The following KCTD3 variants were observed in gnomAD, a reference collection of about 807,000 sequenced individuals.
The protein encoded by KCTD3 is potassium channel tetramerization domain containing 3.
KCTD3 carries 41 observed loss-of-function variants against 85.8 expected under a neutral mutation model. The observed-to-expected ratio is 0.48, with a 90% confidence interval of 0.37 to 0.62. The LOEUF is 0.62. KCTD3 is among the 20% of genes least tolerant of loss of function. The pLI is 0.00. For synonymous variants in KCTD3, 338 were observed against 345.4 expected (o/e 0.98, Z 0.24); for missense variants, 724 against 989.9 (o/e 0.73, Z 3.60).
intron 9 of KCTD3, among the ~76,000 whole-genome samples, chr1:215,589,026 A>G (rs1660121504): frequency 1.3e-5 from 2 of 152,202 alleles, no homozygotes; most frequent in Non-Finnish European, 2.9e-5. Flanking sequence ...TACCTTTGAG[A>G]TACTTCATTA....
rs73085461 is a variant in KCTD3, at chr1:215,612,391, A to T, written c.1562+470A>T. Among the ~76,000 whole-genome samples the T allele has an allele frequency of 3.5e-3, 539 of 152,104 alleles. 4 individuals carry two copies. Among genetic ancestry groups the T allele is most frequent in the African/African-American group, 0.013 (525 of 41,568 alleles). Reference sequence around the variant, plus strand: ...TTTGCATAATCTTGGCACAGCTTACAACATAGCACACATTTTTTTTTTCTA... The same window carrying T: ...TTTGCATAATCTTGGCACAGCTTACTACATAGCACACATTTTTTTTTTCTA... On this transcript the variant is annotated intron_variant, in intron 15 of 17. Coordinates refer to ENST00000259154, the MANE Select transcript of KCTD3 (RefSeq NM_016121.5).
chr1:215,578,763 T>C (rs1361834025), intron 6 of KCTD3, among the ~76,000 whole-genome samples: 1 of 152,236 alleles, frequency 6.6e-6, no homozygotes, highest in African/African-American at 2.4e-5. Context: ...GCTTATTTAT[T>C]GTAAACAGTA....
At chr1:215,596,959 T>C (rs531994720) in intron 10 of KCTD3, among the ~76,000 whole-genome samples, 2 of 152,266 alleles carry the variant, frequency 1.3e-5, no homozygotes, top group Admixed American at 1.3e-4. Context: ...GACATTTCTT[T>C]CTCTGTGACA....
intron 13 of KCTD3, among the ~76,000 whole-genome samples, chr1:215,605,327 A>G (rs1371271175): frequency 1.3e-5 from 2 of 152,124 alleles, no homozygotes; most frequent in Non-Finnish European, 2.9e-5. Context: ...TGAATGTGTA[A>G]TTGTTTGTGG....
At chr1:215,616,414 A>C (rs1397402843) in intron 15 of KCTD3, among the ~76,000 whole-genome samples, 1 of 152,206 alleles carries the variant, frequency 6.6e-6, no homozygotes, top group Non-Finnish European at 1.5e-5. Context: ...AAATTTTAAA[A>C]TCTGATAATG....
chr1:215,618,716 T>C, intron 15 of KCTD3, 170 bp from the exon 16 acceptor site: 1 of 582,284 alleles, frequency 1.7e-6, no homozygotes, highest in East Asian at 3.0e-5. Context: ...AGCTGTATAT[T>C]TTTTCTGGTT....
At chr1:215,574,373 GA>G (rs1659490078) in intron 3 of KCTD3, among the ~76,000 whole-genome samples, 1 of 152,076 alleles carries the variant, frequency 6.6e-6, no homozygotes, top group African/African-American at 2.4e-5. Context: ...GGCATTAGAA[GA>G]AATTTTTTTA....
At position 215,608,134 on chromosome 1, in the gene KCTD3, C is replaced by T. The variant is rs758759313; in HGVS notation, c.1427C>T (p.Thr476Ile). The T allele has an allele frequency of 2.3e-5, 37 of 1,611,138 alleles. No individual in the cohort carries two copies. The Admixed American group carries it at 6.2e-4, about 27-fold the overall frequency. Residue 476 changes from threonine (T) to isoleucine (I), a missense_variant, in exon 14 of 18, where the codon ACA becomes ATA. Thr to Ile is a moderately conservative substitution (Grantham distance 89, BLOSUM62 -1). This residue lies in a region of KCTD3 where 136 missense variants were observed against 197.6 expected (regional missense o/e 0.69). Coordinates refer to ENST00000259154, the MANE Select transcript of KCTD3 (RefSeq NM_016121.5). ...TTCAAGATACTATCCCTGGAGGAGA[C>T]AGAAAGTCATGGTAGCTATTCCTCT... ...ASFKILSLEE[T>I]ESHGSYSSGN...
At chr1:215,573,593 A>G (rs1659454718) in intron 1 of KCTD3, among the ~76,000 whole-genome samples, 193 bp from the exon 2 acceptor site, 1 of 152,200 alleles carries the variant, frequency 6.6e-6, no homozygotes, top group Non-Finnish European at 1.5e-5. Flanking sequence ...TGTTATTGAG[A>G]GCTGCTTGTA....
At position 215,620,974 on chromosome 1, in the gene KCTD3, ATCT is replaced by A. The variant is rs1571906624; in HGVS notation, c.*359_*361del. On this transcript the variant is annotated 3_prime_UTR_variant, in exon 18 of 18. Transcript: ENST00000259154. ...TGGGAACCAGCAGACTGCATTCCTA[ATCT>A]TCATTATGCCTGAGACTTGTCTTAC... 1 of 245,192 alleles carries A rather than the reference ATCT, an allele frequency of 4.1e-6. No homozygotes were observed. The highest frequency in any genetic ancestry group is 7.5e-5 in the East Asian group (1 of 13,276). The allele number at this position is 245,192 out of a possible 1,614,324, so 15.2% of individuals were successfully genotyped here.
intron 4 of KCTD3, 72 bp downstream of exon 4, chr1:215,576,046 A>C: frequency 1.1e-6 from 1 of 883,850 alleles, no homozygotes; most frequent in Non-Finnish European, 1.8e-6. Flanking sequence ...TTATGAAATA[A>C]AAGGTTTTTT....
chr1:215,579,937 AAT>A lies in KCTD3; in HGVS notation c.566_567del (p.Ile189SerfsTer68). On this transcript the variant is annotated frameshift_variant, in exon 8 of 18. Coordinates refer to ENST00000259154, the MANE Select transcript of KCTD3 (RefSeq NM_016121.5). LOFTEE classifies it high-confidence loss of function. The stretch of plus-strand genomic sequence containing the variant: ...TTCCTGTGGATCCACGAAAGGTGCT[AAT>A]AGTAGCTGGCCATCACAACTGGATT... ...GFPVDPRKVL[I>X]VAGHHNWIVA... The A allele has an allele frequency of 6.2e-7, 1 of 1,613,348 alleles. No individual in the cohort carries two copies. The highest frequency in any genetic ancestry group is 8.5e-7 in the Non-Finnish European group (1 of 1,179,280).
At chr1:215,600,286 A>G (rs1048665113) in intron 10 of KCTD3, among the ~76,000 whole-genome samples, 1 of 152,180 alleles carries the variant, frequency 6.6e-6, no homozygotes, top group Non-Finnish European at 1.5e-5. Context: ...AGCTTAGAGG[A>G]ATGATTATTT....
chr1:215,571,435 C>G (rs1360824218), intron 1 of KCTD3, among the ~76,000 whole-genome samples: 1 of 152,180 alleles, frequency 6.6e-6, no homozygotes, highest in African/African-American at 2.4e-5. Flanking sequence ...CTTATAAACA[C>G]CTAGACTGTC....
In KCTD3 at chr1:215,611,928, C is replaced by G; in HGVS notation, c.1562+7C>G. On this transcript the variant is annotated splice_region_variant and intron_variant, in intron 15 of 17. Coordinates refer to ENST00000259154, the MANE Select transcript of KCTD3 (RefSeq NM_016121.5). ...TCTCATCGACTGGAAAAAGGTAACA[C>G]TTTATTGTAAAAATATTTGTATTCA... is the stretch of plus-strand genomic sequence containing the variant. The G allele has an allele frequency of 6.4e-7, 1 of 1,560,210 alleles. No individual in the cohort carries two copies. The highest frequency in any genetic ancestry group is 8.8e-7 in the Non-Finnish European group (1 of 1,133,316).
chr1:215,572,332 T>A (rs1203371994), intron 1 of KCTD3, among the ~76,000 whole-genome samples: 2 of 152,222 alleles, frequency 1.3e-5, no homozygotes, highest in Admixed American at 6.5e-5. Context: ...TCTACTTTTT[T>A]AATACAAAAT....
At chr1:215,607,360 G>A (rs927509648) in intron 13 of KCTD3, among the ~76,000 whole-genome samples, 2 of 151,782 alleles carry the variant, frequency 1.3e-5, no homozygotes, top group African/African-American at 4.8e-5. Flanking sequence ...TTCAAATAGA[G>A]TATCTACTCA....
Position 215,620,867 on chromosome 1 carries a change from T to C in KCTD3, c.*249T>C. The C allele has an allele frequency of 2.3e-6, 1 of 438,804 alleles. No individual in the cohort carries two copies. The highest frequency in any genetic ancestry group is 4.0e-6 in the Non-Finnish European group (1 of 250,814). 27.2% of individuals were successfully genotyped at this position (438,804 alleles called of 1,614,324 possible). On this transcript the variant is annotated 3_prime_UTR_variant, in exon 18 of 18. Coordinates refer to ENST00000259154, the MANE Select transcript of KCTD3 (RefSeq NM_016121.5). ...ATAAAGCAGGAGTCCATTTTAACAC[T>C]TACCGACTTTTTTTGGTTTGGAAAC...
Position 215,575,975 on chromosome 1 carries a change from G to T in KCTD3, c.257+1G>T. 6.9e-7 allele frequency: 1 copy of T among 1,443,154 alleles called. No homozygotes were observed. The highest frequency in any genetic ancestry group is 9.6e-7 in the Non-Finnish European group (1 of 1,045,114). The allele number at this position is 1,443,154 out of a possible 1,614,324, so 89.4% of individuals were successfully genotyped here. A position where few individuals can be genotyped will look rare whatever the true frequency, so the allele number is the denominator to read the frequency against. On this transcript the variant is annotated splice_donor_variant, in intron 4 of 17. Transcript: ENST00000259154. LOFTEE classifies it high-confidence loss of function. ...TTCGGACAAAAGAACTAGACTTAAG[G>T]TAAGAAATGCACTCTTTTTAAAGTA...
Sources: allele counts gnomAD v4.1 joint callset (sites outside exome capture counted in the v4.1 genomes callset), GRCh38; gene constraint gnomAD v4.1.1; regional missense constraint gnomAD v4.1.1; transcripts MANE v1.5; gene names NCBI Gene and HGNC (gene_info 2026-07-23, HGNC 2026-07-21).